Variants in SMARCD1 observed in about 807,000 individuals in gnomAD.
The protein encoded by SMARCD1 is SWI/SNF-related matrix-associated actin-dependent regulator of chromatin subfamily D member 1.
A neutral mutation model predicts 70.8 loss-of-function variants in SMARCD1; 16 were observed. The observed-to-expected ratio is 0.23, with a 90% CI of 0.15 to 0.34. The LOEUF (loss-of-function observed/expected upper bound fraction) is 0.34, where lower values mean the gene tolerates loss of function less well. Ranked by LOEUF, SMARCD1 falls within the 10% of genes least tolerant of loss-of-function variation. The pLI, the probability that SMARCD1 is intolerant of heterozygous loss-of-function variation, is 1.00. For synonymous variants in SMARCD1, 249 were observed against 246.0 expected, an observed-to-expected ratio of 1.01 and a Z score of -0.11; for missense variants, 409 against 655.5, an observed-to-expected ratio of 0.62 and a Z score of 4.11.
At chr12:50,087,990 C>CTCACCTTTCTCTCATTCCCGAAG (rs1950806926) in intron 5 of SMARCD1, among the ~76,000 whole-genome samples, 1 of 152,118 alleles carries the variant, frequency 6.6e-6, no homozygotes, top group Non-Finnish European at 1.5e-5. Context: ...CTCGGGGAAG[C>CTCACCTTTCTCTCATTCCCGAAG]TCACCTTTCT....
chr12:50,095,721 AG>A (rs1950887794), intron 10 of SMARCD1, among the ~76,000 whole-genome samples: 1 of 152,200 alleles, frequency 6.6e-6, no homozygotes, highest in African/African-American at 2.4e-5. Context: ...TTCCAGAAAG[AG>A]GGAATAGGGC....
intron 2 of SMARCD1, 68 bp from the exon 3 acceptor site, chr12:50,086,553 G>A (rs1327361203): frequency 4.7e-6 from 7 of 1,496,306 alleles, no homozygotes; most frequent in Non-Finnish European, 6.5e-6. Flanking sequence ...AAATGGACGT[G>A]CTGACAGCTT....
chr12:50,088,450 T>A lies in SMARCD1; in HGVS notation c.655-71T>A, dbSNP rs1950812126. The A allele has an allele frequency of 5.9e-6, 5 of 850,392 alleles. No homozygotes were observed. The East Asian group carries it at 1.2e-4, about 21-fold the overall frequency. 52.7% of individuals were successfully genotyped at this position (850,392 alleles called of 1,614,324 possible). A position where few individuals can be genotyped will look rare whatever the true frequency, so the allele number is the denominator to read the frequency against. ...TTTTCCATTGTTGTTGGGGTTCCTT[T>A]TTCATAGGATTTTGTCTTGGGAAGT... On this transcript the variant is annotated intron_variant, in intron 5 of 12. Coordinates refer to ENST00000394963, the MANE Select transcript of SMARCD1 (RefSeq NM_003076.5).
chr12:50,087,850 T>C (rs1176548468), intron 5 of SMARCD1, among the ~76,000 whole-genome samples: 2 of 152,102 alleles, frequency 1.3e-5, no homozygotes, highest in African/African-American at 4.8e-5. Context: ...GGTATCTCCA[T>C]CTTCTCAACT....
rs1422306360 is a variant in SMARCD1 at position 50,085,546 on chromosome 12, G to C, written c.177G>C (p.Pro59=). Residue 59 remains proline, a splice_region_variant and synonymous_variant, in exon 1 of 13, where the codon CCG becomes CCC. Transcript: ENST00000394963. ...CCCCGATGCCCGGAGCGGCCTATCC[G>C]GTGAGTGGGGCAGGAGGAGGGGCGC... ...YRSPMPGAAY[P]RPGMLPGSRM... 3 of 1,233,136 alleles carry C rather than the reference G, an allele frequency of 2.4e-6. No homozygotes were observed. The highest frequency in any genetic ancestry group is 4.2e-5 in the Admixed American group (1 of 23,786). 76.4% of individuals were successfully genotyped at this position (1,233,136 alleles called of 1,614,324 possible).
chr12:50,086,283 C>A lies in SMARCD1; in HGVS notation c.300C>A (p.Arg100=). 1 of 1,599,168 alleles carries A rather than the reference C, an allele frequency of 6.3e-7. No individual in the cohort carries two copies. Among genetic ancestry groups the A allele is most frequent in the Non-Finnish European group, 8.5e-7 (1 of 1,170,866 alleles). Residue 100 remains arginine, a synonymous_variant, in exon 2 of 13, where the codon CGC becomes CGA. Transcript: ENST00000394963. The part of the protein sequence containing the change: ...GLAQSGMDQS[R]KRPAPQQIQQ... Reference sequence around the variant, plus strand: ...CCCAGTCAGGGATGGATCAGTCCCGCAAGAGACCTGCCCCTCAGCAGATCC... The same window carrying A: ...CCCAGTCAGGGATGGATCAGTCCCGAAAGAGACCTGCCCCTCAGCAGATCC...
chr12:50,086,437 T>C, intron 2 of SMARCD1, 89 bp downstream of exon 2: 1 of 1,293,616 alleles, frequency 7.7e-7, no homozygotes, highest in East Asian at 2.5e-5. Flanking sequence ...GTGGTGGTGC[T>C]GTGTCAGCAG....
chr12:50,087,305 T>C, intron 4 of SMARCD1, 58 bp from the exon 5 acceptor site: 1 of 1,593,822 alleles, frequency 6.3e-7, no homozygotes, highest in South Asian at 1.1e-5. Flanking sequence ...GGGAGACCGT[T>C]GTCTTCAACA....
At position 50,090,595 on chromosome 12, in the gene SMARCD1, G is replaced by T. The variant is rs775499079; in HGVS notation, c.1133+5G>T. On this transcript the variant is annotated splice_donor_5th_base_variant and intron_variant, in intron 9 of 12. Transcript: ENST00000394963. ...CATCATTAATCATGTCATCAGGTAGGCCTGTGTGTGGGAGGCAGTGCTGTG... is the reference window on the plus strand; with the variant it reads ...CATCATTAATCATGTCATCAGGTAGTCCTGTGTGTGGGAGGCAGTGCTGTG... 6.2e-7 allele frequency: 1 copy of T among 1,606,778 alleles called. No homozygotes were observed. The highest frequency in any genetic ancestry group is 1.1e-5 in the South Asian group (1 of 90,922).
intron 9 of SMARCD1, among the ~76,000 whole-genome samples, chr12:50,092,016 T>G (rs1950848149): frequency 6.6e-6 from 1 of 152,218 alleles, no homozygotes; most frequent in Non-Finnish European, 1.5e-5. Flanking sequence ...ATCTTTTCTC[T>G]GGATGGTACA....
Position 50,085,508 on chromosome 12 carries a change from G to A in SMARCD1, c.139G>A (p.Gly47Arg). 8.1e-7 allele frequency: 1 copy of A among 1,238,456 alleles called. No homozygotes were observed. The highest frequency in any genetic ancestry group is 1.0e-6 in the Non-Finnish European group (1 of 990,794). 76.7% of individuals were successfully genotyped at this position (1,238,456 alleles called of 1,614,324 possible). The change falls in exon 1 of 13, where the codon GGG (glycine) becomes AGG (arginine). Residue 47 changes from glycine (G) to arginine (R), a missense_variant. Transcript: ENST00000394963. Reference sequence around the variant, plus strand: ...GCGAATGGGCCCGGCTCCGGGTCAAGGGCTGTACCGCTCCCCGATGCCCGG... The same window carrying A: ...GCGAATGGGCCCGGCTCCGGGTCAAAGGCTGTACCGCTCCCCGATGCCCGG... Reference protein sequence around the residue: ...PVRMGPAPGQGLYRSPMPGAA... With the variant: ...PVRMGPAPGQRLYRSPMPGAA...
In SMARCD1 at chr12:50,098,934, A is replaced by G. The variant is rs1950916273; in HGVS notation, c.1495-13A>G. The G allele has an allele frequency of 1.9e-6, 3 of 1,613,630 alleles. No homozygotes were observed. The highest frequency in any genetic ancestry group is 2.5e-6 in the Non-Finnish European group (3 of 1,179,806). Reference sequence around the variant, plus strand: ...TGTCTCATCTTCCACTCCCTTCACTATTTTCTCCTTAGGTGCAGCAGAGAC... The same window carrying G: ...TGTCTCATCTTCCACTCCCTTCACTGTTTTCTCCTTAGGTGCAGCAGAGAC... On this transcript the variant is annotated splice_polypyrimidine_tract_variant and intron_variant, in intron 12 of 12. Transcript: ENST00000394963.
chr12:50,093,425 G>C (rs886547597), intron 9 of SMARCD1, among the ~76,000 whole-genome samples: 5 of 151,872 alleles, frequency 3.3e-5, no homozygotes, highest in Admixed American at 2.6e-4. Flanking sequence ...TGGCTTCCCA[G>C]AATGCTGGGA....
At position 50,086,781 on chromosome 12, in the gene SMARCD1, A is replaced by G; in HGVS notation, c.434A>G (p.Gln145Arg). 1 of 1,614,140 alleles carries G rather than the reference A, an allele frequency of 6.2e-7. No homozygotes were observed. The highest frequency in any genetic ancestry group is 1.1e-5 in the South Asian group (1 of 91,084). The change falls in exon 4 of 13, where the codon CAG becomes CGG. Residue 145 changes from glutamine (Q) to arginine (R), a missense_variant. By Grantham distance (43) the Gln-to-Arg change is conservative (BLOSUM62 1). Transcript: ENST00000394963. Reference sequence around the variant, plus strand: ...ATTCGTGAACTGGTACCAGAATCCCAGGCCTATATGGATCTCTTGGCTTTT... The same window carrying G: ...ATTCGTGAACTGGTACCAGAATCCCGGGCCTATATGGATCTCTTGGCTTTT... ...QRIRELVPES[Q>R]AYMDLLAFER...
At chr12:50,093,293 AT>A (rs1950863544) in intron 9 of SMARCD1, among the ~76,000 whole-genome samples, 3 of 151,100 alleles carry the variant, frequency 2.0e-5, no homozygotes, top group African/African-American at 4.9e-5. Context: ...GGTTCAAGCA[AT>A]TCTCGTGCCT....
At chr12:50,095,922 CTG>C (rs1370140524) in intron 10 of SMARCD1, among the ~76,000 whole-genome samples, 1 of 152,170 alleles carries the variant, frequency 6.6e-6, no homozygotes. Flanking sequence ...ATCCCGAAGA[CTG>C]TGTAAGACAG....
chr12:50,096,836 G>C lies in SMARCD1; in HGVS notation c.1270-14G>C, dbSNP rs773438501. ...CTAGTTTGAAAATGGTATGAGCTTC[G>C]TTCTTCCTTTCAGATCCATGAGACA... On this transcript the variant is annotated splice_polypyrimidine_tract_variant and intron_variant, in intron 10 of 12. Coordinates refer to ENST00000394963, the MANE Select transcript of SMARCD1 (RefSeq NM_003076.5). The C allele has an allele frequency of 1.3e-6, 2 of 1,597,368 alleles. No individual in the cohort carries two copies. Among genetic ancestry groups the C allele is most frequent in the African/African-American group, 2.7e-5 (2 of 74,340 alleles).
chr12:50,094,596 T>C, intron 10 of SMARCD1, 24 bp downstream of exon 10: 1 of 1,609,572 alleles, frequency 6.2e-7, no homozygotes, highest in Non-Finnish European at 8.5e-7. Context: ...CCCTGGATAG[T>C]TGGGTACCAC....
chr12:50,085,871 G>A (rs1950783760), intron 1 of SMARCD1: 2 of 389,898 alleles, frequency 5.1e-6, no homozygotes, highest in Non-Finnish European at 9.0e-6. Context: ...ACAAATTGAG[G>A]TCAGCTTCTA....
Sources: gnomAD v4.1 joint callset for allele counts (sites outside exome capture counted in the v4.1 genomes callset) on GRCh38, gnomAD v4.1.1 for gene constraint, MANE v1.5 for transcripts, NCBI Gene and HGNC (gene_info 2026-07-23, HGNC 2026-07-21) for gene names.